Variants in SPDYE2 observed in about 807,000 individuals in gnomAD.
SPDYE2 encodes speedy protein E2.
For missense variants in SPDYE2, 1 was observed against 121.0 expected (o/e 0.01, Z 4.65); for synonymous variants, 2 against 45.1 (o/e 0.04, Z 3.83).
At chr7:102,564,447 C>T (rs1370713188), downstream of SPDYE2, 384 of 143,950 alleles carry the variant, frequency 2.7e-3, no homozygotes, top group African/African-American at 8.6e-3. Flanking sequence ...AAAAAAAGTT[C>T]GTTCCTGCAG....
At position 102,559,911 on chromosome 7, in the gene SPDYE2, G is replaced by A. The variant is rs1367161636; in HGVS notation, c.756-689G>A. Among the ~76,000 whole-genome samples, 9 of 31,736 alleles carry A rather than the reference G, an allele frequency of 2.8e-4. 3 individuals are homozygous for A. The South Asian group carries it at 4.9e-3, about 17-fold the overall frequency. 20.8% of individuals were successfully genotyped at this position (31,736 alleles called of 152,430 possible). ...CTCCCACCTCAGCTTCATTAGCTCC[G>A]ACTACAGGGCTGTGCCACCACACCT... On this transcript the variant is annotated intron_variant, in intron 6 of 8. Coordinates refer to ENST00000507918, the Ensembl canonical transcript of SPDYE2.
chr7:102,563,080 G>A (rs1054292), exon 9 of SPDYE2: 1 of 148,488 alleles, frequency 6.7e-6, no homozygotes, highest in African/African-American at 2.4e-5. Flanking sequence ...GGAAATACTG[G>A]TATTTTTGAA....
rs1419325110 is a variant in SPDYE2 at position 102,557,346 on chromosome 7, TTTTTTTG to T, written c.669+126_669+132del. ...AGATGCTCCTACAGTCTTTTTTTTT[TTTTTTTG>T]TGTGTGTGTGTGTGTGTGTGTGTGT... On this transcript the variant is annotated intron_variant, in intron 5 of 8. Coordinates refer to ENST00000507918, the Ensembl canonical transcript of SPDYE2. 4.5e-3 allele frequency: 3,761 copies of T among 839,750 alleles called. 7 individuals carry two copies. Among genetic ancestry groups the T allele is most frequent in the South Asian group, 0.018 (1,118 of 61,204 alleles). The allele number at this position is 839,750 out of a possible 1,614,324, so 52.0% of individuals were successfully genotyped here.
chr7:102,564,944 GC>G, downstream of SPDYE2: 1 of 141,254 alleles, frequency 7.1e-6, no homozygotes, highest in East Asian at 2.2e-4. Flanking sequence ...GCCCGCCTTG[GC>G]CTCCCAAAGT....
At chr7:102,562,955 T>C (rs1359745017) in exon 9 of SPDYE2, 1 of 146,516 alleles carries the variant, frequency 6.8e-6, no homozygotes, top group African/African-American at 2.5e-5. Flanking sequence ...TTGGTTTATT[T>C]TGAAAAACAT....
rs1203250049 is a variant in SPDYE2 at position 102,555,100 on chromosome 7, A to G, written c.379+523A>G. On this transcript the variant is annotated intron_variant, in intron 3 of 8. Transcript: ENST00000507918. ...TATACTAACAATACAAAAATTAGCC[A>G]GGCATGCCTGTTATCCCAGCTACTC... Among the ~76,000 whole-genome samples the G allele has an allele frequency of 1.2e-4, 17 of 144,316 alleles. 2 individuals are homozygous for G. Among genetic ancestry groups the G allele is most frequent in the Middle Eastern group, 6.9e-3 (2 of 288 alleles). The allele number at this position is 144,316 out of a possible 152,430, so 94.7% of individuals were successfully genotyped here. A position where few individuals can be genotyped will look rare whatever the true frequency, so the allele number is the denominator to read the frequency against.
exon 9 of SPDYE2, chr7:102,563,356 A>G (rs1381353590): frequency 2.3e-4 from 24 of 104,762 alleles, no homozygotes; most frequent in African/African-American, 8.1e-4. Flanking sequence ...TTTCATATAT[A>G]TTTGAAATGT....
exon 9 of SPDYE2, chr7:102,562,936 T>C (rs1290585871): frequency 5.6e-5 from 8 of 143,590 alleles, no homozygotes; most frequent in Non-Finnish European, 3.0e-5. Context: ...ATATATACTA[T>C]CTATTTTATT....
At chr7:102,559,941 A>AGTTT (rs1293778600) in intron 6 of SPDYE2, among the ~76,000 whole-genome samples, 1 of 36,230 alleles carries the variant, frequency 2.8e-5, no homozygotes, top group Non-Finnish European at 7.1e-5. Flanking sequence ...ACACCTGGAC[A>AGTTT]GTTTGTTTGT....
At chr7:102,555,080 TAAC>T in intron 3 of SPDYE2, among the ~76,000 whole-genome samples, 1 of 142,874 alleles carries the variant, frequency 7.0e-6, no homozygotes, top group Admixed American at 6.9e-5. Context: ...TCATTTATAC[TAAC>T]AATACAAAAA....
At chr7:102,555,298 T>A (rs1385993459) in intron 3 of SPDYE2, among the ~76,000 whole-genome samples, 2 of 110,512 alleles carry the variant, frequency 1.8e-5, no homozygotes, top group African/African-American at 7.2e-5. Flanking sequence ...AAGGAGCACA[T>A]GAGGAGGGTG....
intron 5 of SPDYE2, 127 bp downstream of exon 5, chr7:102,557,349 T>G (rs796616502): frequency 0.27 from 195,603 of 722,256 alleles, 9,548 homozygotes; most frequent in Admixed American, 0.37. Context: ...TTTTTTTTTT[T>G]TTTGTGTGTG....
chr7:102,562,488 C>G (rs1160178476), exon 9 of SPDYE2, among the ~76,000 whole-genome samples: 7 of 314 alleles, frequency 0.022, no homozygotes, highest in Non-Finnish European at 0.042. Context: ...TAGCTTCATG[C>G]ACACTCTGCA....
intron 3 of SPDYE2, among the ~76,000 whole-genome samples, chr7:102,555,041 G>A (rs1403290611): frequency 2.2e-5 from 3 of 137,506 alleles, no homozygotes; most frequent in African/African-American, 5.3e-5. Flanking sequence ...TCAGTTGTTC[G>A]AGACCAACCA....
chr7:102,563,306 G>C (rs1403067595), exon 9 of SPDYE2: 5 of 133,044 alleles, frequency 3.8e-5, no homozygotes, highest in African/African-American at 1.4e-4. Context: ...CTATGTAGTA[G>C]TTCCCCTAAA....
At chr7:102,551,652 A>AT (rs1800640272) in intron 1 of SPDYE2, among the ~76,000 whole-genome samples, 1 of 64,594 alleles carries the variant, frequency 1.5e-5, no homozygotes, top group African/African-American at 5.6e-5. Flanking sequence ...CAGGTTCTTT[A>AT]TTTTTTTTGA....
chr7:102,555,611 T>TCAA (rs1446569071), intron 3 of SPDYE2, among the ~76,000 whole-genome samples: 4 of 69,610 alleles, frequency 5.7e-5, no homozygotes, highest in Admixed American at 1.7e-4. Context: ...AGACTGTTTC[T>TCAA]CAACAACAAC....
rs374098436 is a variant in SPDYE2 at position 102,557,336 on chromosome 7, C to CT, written c.669+130dup. 9.3e-4 allele frequency: 652 copies of CT among 702,412 alleles called. 5 individuals carry two copies. The highest frequency in any genetic ancestry group is 4.6e-3 in the East Asian group (81 of 17,664). 43.5% of individuals were successfully genotyped at this position (702,412 alleles called of 1,614,324 possible). ...ACCTCCCACCAGATGCTCCTACAGT[C>CT]TTTTTTTTTTTTTTTTGTGTGTGTG... On this transcript the variant is annotated intron_variant, in intron 5 of 8. Coordinates refer to ENST00000507918, the Ensembl canonical transcript of SPDYE2.
chr7:102,555,554 A>C (rs1462336541), intron 3 of SPDYE2, among the ~76,000 whole-genome samples: 1 of 109,740 alleles, frequency 9.1e-6, no homozygotes, highest in Non-Finnish European at 2.0e-5. Flanking sequence ...CAGAGGTTGC[A>C]GTGAGCCAAG....
Sources: gnomAD v4.1 joint callset for allele counts (sites outside exome capture counted in the v4.1 genomes callset) on GRCh38, gnomAD v4.1.1 for gene constraint, MANE v1.5 for transcripts, NCBI Gene and HGNC (gene_info 2026-07-23, HGNC 2026-07-21) for gene names.